The following E2F5 variants were observed in gnomAD, a reference collection of about 807,000 sequenced individuals.
The protein encoded by E2F5 is transcription factor E2F5.
E2F5 carries 23 observed loss-of-function variants against 39.1 expected under a neutral mutation model. The observed-to-expected ratio is 0.59, with a 90% confidence interval of 0.42 to 0.83. The LOEUF (loss-of-function observed/expected upper bound fraction) is 0.83. E2F5 is among the 40% of genes least tolerant of loss of function. E2F5 has a pLI of 0.00. For synonymous variants in E2F5, 145 were observed against 157.8 expected (o/e 0.92, Z 0.61); for missense variants, 365 against 406.7 (o/e 0.90, Z 0.88).
chr8:85,209,042 T>A (rs1812859240), intron 5 of E2F5, 100 bp from the exon 6 acceptor site: 2 of 1,196,118 alleles, frequency 1.7e-6, no homozygotes, highest in Non-Finnish European at 2.3e-6. Context: ...TTATGTGAAT[T>A]TAGTAAGTCC....
chr8:85,178,316 G>A (rs911210851), intron 1 of E2F5, among the ~76,000 whole-genome samples: 2 of 152,120 alleles, frequency 1.3e-5, no homozygotes, highest in Non-Finnish European at 2.9e-5. Context: ...GTTTCCAAAA[G>A]TGAGATCTGC....
At chr8:85,188,256 T>C (rs1222340413) in intron 1 of E2F5, among the ~76,000 whole-genome samples, 1 of 151,794 alleles carries the variant, frequency 6.6e-6, no homozygotes, top group African/African-American at 2.4e-5. Context: ...CTTTAGTCAG[T>C]GTACTTACTT....
rs1056922688 is a variant in E2F5, at chr8:85,196,684, T to C, written c.235-5463T>C. Among the ~76,000 whole-genome samples, 11 of 152,354 alleles carry C rather than the reference T, an allele frequency of 7.2e-5. No individual in the cohort carries two copies. The South Asian group carries it at 1.0e-3, about 14-fold the overall frequency. ...CAGTTAATGCTAAATTCCACCTTGA[T>C]CATTCATTAGCTTTGTGGATCTGTT... On this transcript the variant is annotated intron_variant, in intron 1 of 7. Transcript: ENST00000416274.
At chr8:85,178,190 T>G (rs1464144036) in intron 1 of E2F5, 1 of 152,046 alleles carries the variant, frequency 6.6e-6, no homozygotes, top group Non-Finnish European at 1.5e-5. Flanking sequence ...AAAGAGTACT[T>G]CTTTCCACGC....
At chr8:85,180,506 C>CTATACATATATA (rs1812182437) in intron 1 of E2F5, among the ~76,000 whole-genome samples, 1 of 62,512 alleles carries the variant, frequency 1.6e-5, no homozygotes, top group East Asian at 6.5e-4. Flanking sequence ...GTTAAAGAAA[C>CTATACATATATA]TATACATATA....
chr8:85,207,590 TGTGA>T (rs1373717969), intron 5 of E2F5, 101 bp downstream of exon 5: 37 of 902,572 alleles, frequency 4.1e-5, no homozygotes, highest in Non-Finnish European at 5.6e-5. Flanking sequence ...GTGTAAACAC[TGTGA>T]GTTAGTCAAG....
At chr8:85,206,308 C>A in intron 4 of E2F5, 88 bp downstream of exon 4, 1 of 1,310,464 alleles carries the variant, frequency 7.6e-7, no homozygotes, top group Non-Finnish European at 1.1e-6. Context: ...CTCATCCTGT[C>A]ATTATTTTCA....
chr8:85,188,035 A>G lies in E2F5; in HGVS notation c.234+10381A>G, dbSNP rs539281986. 5.3e-5 allele frequency among the ~76,000 whole-genome samples: 8 copies of G among 152,314 alleles called. No homozygotes were observed. The South Asian group carries it at 1.4e-3, about 28-fold the overall frequency. On this transcript the variant is annotated intron_variant, in intron 1 of 7. Transcript: ENST00000416274. ...ACAAGTTTGATCGCAAAAACAAACA[A>G]ACAAAAAGAAACCTAACAAGCCTCT... is the stretch of plus-strand genomic sequence containing the variant.
chr8:85,202,282 C>G, intron 2 of E2F5, 26 bp downstream of exon 2: 1 of 1,464,576 alleles, frequency 6.8e-7, no homozygotes, highest in Non-Finnish European at 9.1e-7. Context: ...GCACCCTCTT[C>G]TGAAACCTTT....
Position 85,209,365 on chromosome 8 carries a change from G to T in E2F5, c.839G>T (p.Arg280Ile). 3 of 1,613,748 alleles carry T rather than the reference G, an allele frequency of 1.9e-6. No individual in the cohort carries two copies. Among genetic ancestry groups the T allele is most frequent in the Non-Finnish European group, 2.5e-6 (3 of 1,179,760 alleles). ...CTGCCTGAGCAACATGTCTCTGAAA[G>T]AAGCCAGGCTCTGCAGCAGACATCA... Reference protein sequence around the residue: ...QNLPEQHVSERSQALQQTSAT... With the variant: ...QNLPEQHVSEISQALQQTSAT... Residue 280 changes from arginine to isoleucine, a missense_variant, in exon 6 of 8, where the codon AGA becomes ATA. By Grantham distance (97) the Arg-to-Ile change is moderately conservative. Transcript: ENST00000416274.
chr8:85,200,246 C>G, intron 1 of E2F5: 9 of 718,692 alleles, frequency 1.3e-5, no homozygotes, highest in Non-Finnish European at 1.3e-5. Context: ...GACTCTGTCT[C>G]AAAAAAAAAA....
At position 85,177,405 on chromosome 8, in the gene E2F5, G is replaced by A; in HGVS notation, c.-16G>A. On this transcript the variant is annotated 5_prime_UTR_variant, in exon 1 of 8. Coordinates refer to ENST00000416274, the MANE Select transcript of E2F5 (RefSeq NM_001951.4). Reference sequence around the variant, plus strand: ...GAAAGTGCGCGGGGGCCCGACCACCGCGGGGCCGGGACGCGATGGCGGCGG... The same window carrying A: ...GAAAGTGCGCGGGGGCCCGACCACCACGGGGCCGGGACGCGATGGCGGCGG... 1.0e-6 allele frequency: 1 copy of A among 987,504 alleles called. No homozygotes were observed. Among genetic ancestry groups the A allele is most frequent in the African/African-American group, 1.8e-5 (1 of 57,064 alleles). The allele number at this position is 987,504 out of a possible 1,614,324, so 61.2% of individuals were successfully genotyped here.
At chr8:85,178,394 C>T (rs1812130970) in intron 1 of E2F5, among the ~76,000 whole-genome samples, 1 of 152,090 alleles carries the variant, frequency 6.6e-6, no homozygotes, top group Admixed American at 6.5e-5. Flanking sequence ...TAAACTCTCT[C>T]CCTGCGTCGT....
chr8:85,206,369 G>A, intron 4 of E2F5, 149 bp downstream of exon 4: 2 of 722,298 alleles, frequency 2.8e-6, no homozygotes, highest in Non-Finnish European at 4.5e-6. Context: ...TTGATAGACT[G>A]CTTTTGTTTC....
intron 1 of E2F5, among the ~76,000 whole-genome samples, chr8:85,196,018 A>T (rs540045990): frequency 6.6e-4 from 101 of 152,104 alleles, no homozygotes; most frequent in Admixed American, 1.4e-3. Flanking sequence ...ATTTTTTTTT[A>T]AAAATTTAAA....
chr8:85,177,714 C>A, intron 1 of E2F5, 60 bp downstream of exon 1: 1 of 1,198,598 alleles, frequency 8.3e-7, no homozygotes, highest in Non-Finnish European at 1.0e-6. Context: ...CGGGGAAGCC[C>A]AGCCCCTCGC....
At chr8:85,207,580 G>T in intron 5 of E2F5, 91 bp downstream of exon 5, 1 of 1,040,228 alleles carries the variant, frequency 9.6e-7, no homozygotes, top group Admixed American at 2.8e-5. Context: ...TGAGCTAATT[G>T]TGTAAACACT....
intron 1 of E2F5, chr8:85,177,883 G>A: frequency 4.4e-6 from 3 of 680,392 alleles, no homozygotes; most frequent in Non-Finnish European, 5.7e-6. Context: ...ATGGGGCCCG[G>A]CGCCACGCTG....
At chr8:85,186,339 C>T (rs1385943171) in intron 1 of E2F5, among the ~76,000 whole-genome samples, 2 of 151,798 alleles carry the variant, frequency 1.3e-5, no homozygotes, top group African/African-American at 2.4e-5. Context: ...GGGAACATCA[C>T]ACAGTGGGGC....
Sources: allele counts gnomAD v4.1 joint callset (sites outside exome capture counted in the v4.1 genomes callset), GRCh38; gene constraint gnomAD v4.1.1; transcripts MANE v1.5; gene names NCBI Gene and HGNC (gene_info 2026-07-23, HGNC 2026-07-21).